Variants in KCNIP4 observed in about 807,000 individuals in gnomAD.
KCNIP4 encodes Kv channel-interacting protein 4.
Under a neutral mutation model 34.0 loss-of-function variants are expected in KCNIP4, and 12 were observed. The observed-to-expected ratio is 0.35, with a 90% CI of 0.23 to 0.57. The LOEUF is 0.57. Among genes scored for constraint, KCNIP4 ranks in the 20% least tolerant of loss-of-function variants. The pLI is 0.83. For synonymous variants in KCNIP4, 124 were observed against 102.2 expected (o/e 1.21, Z -1.29); for missense variants, 238 against 311.7 (o/e 0.76, Z 1.78).
At position 21,326,361 on chromosome 4, in the gene KCNIP4, T is replaced by A. The variant is rs986419621; in HGVS notation, c.62-443652A>T. On this transcript the variant is annotated intron_variant, in intron 1 of 8. Coordinates refer to ENST00000382152, the MANE Select transcript of KCNIP4 (RefSeq NM_025221.6). ...CTTGCTGAATTGATCTCTTTATCTC[T>A]TCTTTGTTCTTTTTATAGTTTTTGT... Among the ~76,000 whole-genome samples the A allele has an allele frequency of 4.0e-5, 6 of 151,836 alleles. No individual in the cohort carries two copies. The South Asian group carries it at 1.2e-3, about 31-fold the overall frequency.
At chr4:21,309,395 T>A (rs1712876260) in intron 1 of KCNIP4, among the ~76,000 whole-genome samples, 1 of 152,230 alleles carries the variant, frequency 6.6e-6, no homozygotes, top group South Asian at 2.1e-4. Flanking sequence ...AATACCCATT[T>A]TTCCATGAGC....
At chr4:20,883,938 C>T (rs182047927) in intron 1 of KCNIP4, among the ~76,000 whole-genome samples, 2 of 152,256 alleles carry the variant, frequency 1.3e-5, no homozygotes, top group Admixed American at 1.3e-4. Flanking sequence ...TGATCTGGCC[C>T]TGTCTGAGTC....
rs547952013 is a variant in KCNIP4, at chr4:21,622,530, T to C, written c.61+326041A>G. ...TGCAAGCATTATGCCTTTGAGTCATTATGCAGAGCTTTTTACAAAATCAAG... is the reference window on the plus strand; with the variant it reads ...TGCAAGCATTATGCCTTTGAGTCATCATGCAGAGCTTTTTACAAAATCAAG... On this transcript the variant is annotated intron_variant, in intron 1 of 8. Coordinates refer to ENST00000382152, the MANE Select transcript of KCNIP4 (RefSeq NM_025221.6). 1.6e-4 allele frequency among the ~76,000 whole-genome samples: 24 copies of C among 152,338 alleles called. 1 individual carries two copies. The highest frequency in any genetic ancestry group is 1.4e-3 in the Admixed American group (21 of 15,300).
intron 1 of KCNIP4, among the ~76,000 whole-genome samples, chr4:20,902,381 G>T (rs1249646055): frequency 6.6e-6 from 1 of 152,122 alleles, no homozygotes; most frequent in Non-Finnish European, 1.5e-5. Context: ...GATTACAGGA[G>T]GGTCAGCTGA....
chr4:20,861,055 C>G (rs1560522618), intron 2 of KCNIP4, among the ~76,000 whole-genome samples: 1 of 152,090 alleles, frequency 6.6e-6, no homozygotes, highest in Non-Finnish European at 1.5e-5. Flanking sequence ...GCATGATAAT[C>G]AGCTGAGGAA....
In KCNIP4 at chr4:21,621,951, C is replaced by T. The variant is rs1035734884; in HGVS notation, c.61+326620G>A. On this transcript the variant is annotated intron_variant, in intron 1 of 8. Transcript: ENST00000382152. ...TGAAAGACACATATCTAAGAAGAAC[C>T]TAAAGGGATCCTCACCCTACTTCAG... Among the ~76,000 whole-genome samples, 9 of 152,122 alleles carry T rather than the reference C, an allele frequency of 5.9e-5. No homozygotes were observed. The East Asian group carries it at 1.5e-3, about 26-fold the overall frequency.
chr4:20,978,628 T>C (rs1735718419), intron 1 of KCNIP4, among the ~76,000 whole-genome samples: 1 of 152,190 alleles, frequency 6.6e-6, no homozygotes, highest in African/African-American at 2.4e-5. Context: ...ATCAATCTTA[T>C]ACACTTCTCT....
At chr4:21,906,732 C>A (rs1349569063) in intron 1 of KCNIP4, among the ~76,000 whole-genome samples, 1 of 152,150 alleles carries the variant, frequency 6.6e-6, no homozygotes, top group African/African-American at 2.4e-5. Context: ...GGAAGAAAAT[C>A]TTTACACACC....
chr4:21,146,908 G>T (rs10938834), intron 1 of KCNIP4, among the ~76,000 whole-genome samples: 1 of 151,836 alleles, frequency 6.6e-6, no homozygotes, highest in Admixed American at 6.6e-5. Context: ...GTGGTACATC[G>T]CTGTATATAC....
chr4:21,020,457 G>A (rs770006113), intron 1 of KCNIP4, among the ~76,000 whole-genome samples: 19 of 152,024 alleles, frequency 1.2e-4, no homozygotes, highest in Admixed American at 4.6e-4. Flanking sequence ...AACTATTTGG[G>A]ATGATACTCC....
chr4:21,368,995 C>T (rs1018793866), intron 1 of KCNIP4, among the ~76,000 whole-genome samples: 3 of 147,026 alleles, frequency 2.0e-5, no homozygotes, highest in Admixed American at 1.3e-4. Context: ...TCCATCCATC[C>T]ATCCATCTAC....
intron 1 of KCNIP4, among the ~76,000 whole-genome samples, chr4:21,818,963 A>C (rs1473953580): frequency 1.3e-5 from 2 of 152,186 alleles, no homozygotes; most frequent in Non-Finnish European, 2.9e-5. Context: ...AAAGATGCAA[A>C]AGACATCACA....
At chr4:21,353,142 G>A (rs1204467875) in intron 1 of KCNIP4, among the ~76,000 whole-genome samples, 1 of 152,078 alleles carries the variant, frequency 6.6e-6, no homozygotes. Context: ...CCATCTGTAG[G>A]TCACCAACAT....
At chr4:21,091,667 C>T (rs1029981812) in intron 1 of KCNIP4, among the ~76,000 whole-genome samples, 1 of 152,132 alleles carries the variant, frequency 6.6e-6, no homozygotes, top group African/African-American at 2.4e-5. Flanking sequence ...GCTGGAAGTC[C>T]AAAATCTGTG....
chr4:21,426,834 A>G (rs1298630850), intron 1 of KCNIP4, among the ~76,000 whole-genome samples: 1 of 151,836 alleles, frequency 6.6e-6, no homozygotes, highest in Non-Finnish European at 1.5e-5. Context: ...GTGAAACTAC[A>G]CTTAACTTCT....
At position 21,726,925 on chromosome 4, in the gene KCNIP4, GA is replaced by G. The variant is rs1404242715; in HGVS notation, c.61+221645del. On this transcript the variant is annotated intron_variant, in intron 1 of 8. Transcript: ENST00000382152. ...GGAAAGTAGATTCTTCCATTATTAT[GA>G]GGGGAAATCTATTTCCCCCTAGCCA... is the stretch of plus-strand genomic sequence containing the variant. Among the ~76,000 whole-genome samples, 9 of 152,220 alleles carry G rather than the reference GA, an allele frequency of 5.9e-5. 1 individual carries two copies. The East Asian group carries it at 1.7e-3, about 29-fold the overall frequency.
At chr4:21,018,968 C>A (rs528340998) in intron 1 of KCNIP4, among the ~76,000 whole-genome samples, 154 of 152,196 alleles carry the variant, frequency 1.0e-3, no homozygotes, top group Admixed American at 1.7e-3. Flanking sequence ...TACCACACAT[C>A]GGGTGGCTTA....
intron 1 of KCNIP4, among the ~76,000 whole-genome samples, chr4:21,503,447 T>C (rs1020468912): frequency 9.2e-5 from 14 of 152,184 alleles, no homozygotes; most frequent in African/African-American, 3.4e-4. Context: ...ATGAATCATA[T>C]AATAGCAATT....
At chr4:21,674,426 G>A (rs1030335165) in intron 1 of KCNIP4, among the ~76,000 whole-genome samples, 4 of 152,186 alleles carry the variant, frequency 2.6e-5, no homozygotes, top group African/African-American at 9.6e-5. Context: ...AATAGTGTAT[G>A]GCGATTATTT....
Sources: gnomAD v4.1 joint callset for allele counts (sites outside exome capture counted in the v4.1 genomes callset) on GRCh38, gnomAD v4.1.1 for gene constraint, MANE v1.5 for transcripts, NCBI Gene and HGNC (gene_info 2026-07-23, HGNC 2026-07-21) for gene names.